SLC35F1: variants seen among roughly 807,000 people sequenced by gnomAD.
SLC35F1 encodes chromosome 6 open reading frame 169.
SLC35F1 carries 14 observed loss-of-function variants against 48.7 expected under a neutral mutation model. The observed-to-expected ratio is 0.29, with a 90% CI of 0.19 to 0.45. SLC35F1 has a LOEUF of 0.45. SLC35F1 is among the 20% of genes least tolerant of loss of function. SLC35F1 has a pLI of 1.00. For missense variants in SLC35F1, 404 were observed against 500.0 expected (o/e 0.81, Z 1.83); for synonymous variants, 190 against 202.2 (o/e 0.94, Z 0.51).
At chr6:117,965,772 TG>T (rs1776554184) in intron 1 of SLC35F1, among the ~76,000 whole-genome samples, 1 of 152,194 alleles carries the variant, frequency 6.6e-6, no homozygotes, top group Admixed American at 6.5e-5. Flanking sequence ...GCTTCTGGGT[TG>T]GGTGGGGACT....
In SLC35F1 at chr6:118,258,537, A is replaced by G. The variant is rs931870645; in HGVS notation, c.478-8458A>G. On this transcript the variant is annotated intron_variant, in intron 3 of 7. Coordinates refer to ENST00000360388, the MANE Select transcript of SLC35F1 (RefSeq NM_001029858.4). ...TTTTTTAAGATGGGCAGGGATGTTG[A>G]AGACTAAAAAATATGGCAGTAAATT... Among the ~76,000 whole-genome samples the G allele has an allele frequency of 1.3e-4, 20 of 152,206 alleles. 1 individual carries two copies. The East Asian group carries it at 3.7e-3, about 28-fold the overall frequency.
At chr6:118,293,641 G>A (rs755354799) in intron 7 of SLC35F1, among the ~76,000 whole-genome samples, 13 of 152,154 alleles carry the variant, frequency 8.5e-5, no homozygotes, top group Non-Finnish European at 1.5e-4. Context: ...AGGACAATAC[G>A]AGTATACTGA....
intron 1 of SLC35F1, among the ~76,000 whole-genome samples, chr6:118,106,250 A>G (rs775808821): frequency 6.6e-5 from 10 of 152,256 alleles, no homozygotes; most frequent in Non-Finnish European, 1.2e-4. Context: ...TGCTTTCTCT[A>G]GATTTTTAAA....
intron 1 of SLC35F1, among the ~76,000 whole-genome samples, chr6:117,943,420 C>G (rs1416291856): frequency 1.3e-5 from 2 of 152,100 alleles, no homozygotes; most frequent in Non-Finnish European, 2.9e-5. Context: ...ATTTTCTGCT[C>G]CAACTTTCAC....
chr6:118,277,564 A>T lies in SLC35F1; in HGVS notation c.847+18A>T, dbSNP rs766355347. 1.2e-6 allele frequency: 2 copies of T among 1,611,300 alleles called. No individual in the cohort carries two copies. Among genetic ancestry groups the T allele is most frequent in the Non-Finnish European group, 1.7e-6 (2 of 1,177,466 alleles). ...GCAAATAGGTAAGGAGTTGGCTCAC[A>T]TACGATGCTCTTTTTATAACCTGAG... On this transcript the variant is annotated intron_variant, in intron 6 of 7. Transcript: ENST00000360388.
intron 1 of SLC35F1, among the ~76,000 whole-genome samples, chr6:117,911,395 CCCCTCCCCTCCCTCCCTCCCT>C (rs1204857310): frequency 8.8e-6 from 1 of 113,024 alleles, no homozygotes; most frequent in African/African-American, 3.9e-5. Flanking sequence ...CCCCTCCCCT[CCCCTCCCCTCCCTCCCTCCCT>C]CCCTCCCTCC....
intron 2 of SLC35F1, among the ~76,000 whole-genome samples, chr6:118,179,343 C>G (rs908042123): frequency 4.6e-5 from 7 of 152,118 alleles, no homozygotes; most frequent in Admixed American, 3.3e-4. Context: ...TGGTGTAAGT[C>G]TCTTCATCCA....
At chr6:118,057,488 A>C (rs1000719180) in intron 1 of SLC35F1, among the ~76,000 whole-genome samples, 2 of 152,182 alleles carry the variant, frequency 1.3e-5, no homozygotes, top group African/African-American at 4.8e-5. Flanking sequence ...TGTATGGTGA[A>C]ATTTGAAGAA....
chr6:118,249,844 G>A (rs1193728082), intron 3 of SLC35F1, among the ~76,000 whole-genome samples: 1 of 151,978 alleles, frequency 6.6e-6, no homozygotes, highest in Non-Finnish European at 1.5e-5. Flanking sequence ...GGCATTTCCT[G>A]AGGCCATTAA....
intron 2 of SLC35F1, among the ~76,000 whole-genome samples, chr6:118,184,291 A>G (rs191642328): frequency 1.2e-4 from 18 of 152,308 alleles, no homozygotes; most frequent in African/African-American, 3.1e-4. Flanking sequence ...GTTTTTCCAG[A>G]TGATGGAGTA....
chr6:117,928,031 A>G (rs1189260084), intron 1 of SLC35F1, among the ~76,000 whole-genome samples: 2 of 152,184 alleles, frequency 1.3e-5, no homozygotes, highest in Non-Finnish European at 2.9e-5. Flanking sequence ...GGCATTTGGC[A>G]GGGTTTCCTT....
intron 3 of SLC35F1, among the ~76,000 whole-genome samples, chr6:118,238,198 C>T (rs1224788352): frequency 1.3e-5 from 2 of 152,056 alleles, no homozygotes; most frequent in African/African-American, 2.4e-5. Context: ...CGTCTCCATC[C>T]CCTACCTAAT....
At chr6:118,133,124 AG>A (rs1773741480) in intron 1 of SLC35F1, among the ~76,000 whole-genome samples, 1 of 152,172 alleles carries the variant, frequency 6.6e-6, no homozygotes, top group Admixed American at 6.5e-5. Flanking sequence ...TCTGAACAAG[AG>A]GTTTCTGCAT....
chr6:117,966,216 C>T (rs533985537), intron 1 of SLC35F1, among the ~76,000 whole-genome samples: 176 of 137,170 alleles, frequency 1.3e-3, no homozygotes, highest in African/African-American at 4.5e-3. Context: ...TTTGTTCTTT[C>T]GCACTTCGCA....
chr6:117,959,468 A>G (rs1776467442), intron 1 of SLC35F1, among the ~76,000 whole-genome samples: 2 of 152,214 alleles, frequency 1.3e-5, no homozygotes, highest in Non-Finnish European at 2.9e-5. Context: ...CTCTGTCTGT[A>G]GGGCCAGAGG....
At chr6:118,034,060 A>C (rs142022570) in intron 1 of SLC35F1, among the ~76,000 whole-genome samples, 1,716 of 152,356 alleles carry the variant, frequency 0.011, 36 homozygotes, top group African/African-American at 0.038. Flanking sequence ...AACCCACTTC[A>C]GATAGTAGAA....
At chr6:118,300,416 T>C (rs1199156275) in intron 7 of SLC35F1, among the ~76,000 whole-genome samples, 1 of 152,376 alleles carries the variant, frequency 6.6e-6, no homozygotes, top group South Asian at 2.1e-4. Context: ...TACTTGTATT[T>C]CATGTTCTTC....
At chr6:118,163,759 G>A (rs1008760557) in intron 2 of SLC35F1, among the ~76,000 whole-genome samples, 1 of 152,166 alleles carries the variant, frequency 6.6e-6, no homozygotes, top group Non-Finnish European at 1.5e-5. Flanking sequence ...CCAAAATAGT[G>A]CTTTGTATGT....
At chr6:118,306,517 T>C (rs1011224182) in intron 7 of SLC35F1, among the ~76,000 whole-genome samples, 1 of 152,214 alleles carries the variant, frequency 6.6e-6, no homozygotes, top group Non-Finnish European at 1.5e-5. Context: ...AAAGTAGATG[T>C]CTTGTGATGC....
Sources: allele counts gnomAD v4.1 joint callset (sites outside exome capture counted in the v4.1 genomes callset), GRCh38; gene constraint gnomAD v4.1.1; transcripts MANE v1.5; gene names NCBI Gene and HGNC (gene_info 2026-07-23, HGNC 2026-07-21).